Variants in PHACTR1 observed in about 807,000 individuals in gnomAD.
The protein encoded by PHACTR1 is RPEL repeat containing 1.
In PHACTR1, 16 loss-of-function variants were observed where a neutral mutation model predicts 69.2. The observed-to-expected ratio is 0.23, with a 90% CI of 0.16 to 0.35. The LOEUF (loss-of-function observed/expected upper bound fraction) is 0.35. Among genes scored for constraint, PHACTR1 ranks in the 10% least tolerant of loss-of-function variants. The probability of loss-of-function intolerance (pLI) is 1.00; values close to 1 mark genes in which losing one functional copy is unlikely to be tolerated. For synonymous variants in PHACTR1, 312 were observed against 284.5 expected (o/e 1.10, Z -0.97); for missense variants, 510 against 734.7 (o/e 0.69, Z 3.54).
chr6:12,906,498 A>C (rs1268233277), intron 4 of PHACTR1, among the ~76,000 whole-genome samples: 1 of 152,234 alleles, frequency 6.6e-6, no homozygotes, highest in Admixed American at 6.5e-5. Flanking sequence ...ACTAAAAAGC[A>C]CTATTCAATG....
Position 12,870,601 on chromosome 6 carries a change from T to C in PHACTR1, c.250+120811T>C, listed in dbSNP as rs575349628. ...ACATCTATAATTGCACATATACATATAATTGCACATCTATAATTGCACATA... is the reference window on the plus strand; with the variant it reads ...ACATCTATAATTGCACATATACATACAATTGCACATCTATAATTGCACATA... On this transcript the variant is annotated intron_variant, in intron 4 of 14. Transcript: ENST00000332995. Among the ~76,000 whole-genome samples the C allele has an allele frequency of 1.3e-4, 19 of 151,960 alleles. No homozygotes were observed. The South Asian group carries it at 3.9e-3, about 31-fold the overall frequency.
chr6:13,111,878 ATTTTTTT>A (rs1016706348), intron 5 of PHACTR1, among the ~76,000 whole-genome samples: 1 of 151,412 alleles, frequency 6.6e-6, no homozygotes, highest in Non-Finnish European at 1.5e-5. Context: ...AAGTGCCTTC[ATTTTTTT>A]TAACTGTTAA....
intron 4 of PHACTR1, among the ~76,000 whole-genome samples, chr6:12,959,044 G>A (rs1041053042): frequency 6.6e-6 from 1 of 151,944 alleles, no homozygotes; most frequent in Non-Finnish European, 1.5e-5. Flanking sequence ...GGGTGTGGTG[G>A]CACACACCTG....
chr6:12,755,616 A>T (rs1332852), intron 4 of PHACTR1, among the ~76,000 whole-genome samples: 10,196 of 152,074 alleles, frequency 0.067, 1,130 homozygotes, highest in African/African-American at 0.23. Context: ...AATATTAGTT[A>T]TATTTTTAAT....
chr6:13,106,707 A>C (rs1473794534), intron 5 of PHACTR1, among the ~76,000 whole-genome samples: 1 of 152,098 alleles, frequency 6.6e-6, no homozygotes, highest in African/African-American at 2.4e-5. Context: ...TGTTAAGTTA[A>C]GGAATTTTTT....
intron 4 of PHACTR1, among the ~76,000 whole-genome samples, chr6:12,910,048 C>T (rs1786208169): frequency 6.6e-6 from 1 of 152,226 alleles, no homozygotes; most frequent in African/African-American, 2.4e-5. Context: ...CTTAATCTCC[C>T]TTGGCTCAGC....
chr6:12,967,309 G>A lies in PHACTR1; in HGVS notation c.251-86056G>A, dbSNP rs543070574. On this transcript the variant is annotated intron_variant, in intron 4 of 14. Transcript: ENST00000332995. ...CATTCTTTCTGACCACATGGAAGGTGCTCTCTCCAGAGCTGTGGCACTCCA... is the reference window on the plus strand; with the variant it reads ...CATTCTTTCTGACCACATGGAAGGTACTCTCTCCAGAGCTGTGGCACTCCA... 3.3e-5 allele frequency among the ~76,000 whole-genome samples: 5 copies of A among 152,308 alleles called. No individual in the cohort carries two copies. In the East Asian group the frequency reaches 7.7e-4, roughly 24 times the overall value.
At chr6:12,878,056 T>G (rs967707652) in intron 4 of PHACTR1, among the ~76,000 whole-genome samples, 1 of 152,226 alleles carries the variant, frequency 6.6e-6, no homozygotes, top group African/African-American at 2.4e-5. Flanking sequence ...AGCTAAGTGT[T>G]CATTGCTCTT....
chr6:13,076,313 T>C (rs1810462794), intron 5 of PHACTR1, among the ~76,000 whole-genome samples: 1 of 152,188 alleles, frequency 6.6e-6, no homozygotes, highest in Non-Finnish European at 1.5e-5. Flanking sequence ...AATCCTTTAA[T>C]TGTCTTAATT....
At chr6:12,814,181 A>G (rs1775322399) in intron 4 of PHACTR1, among the ~76,000 whole-genome samples, 1 of 152,004 alleles carries the variant, frequency 6.6e-6, no homozygotes. Context: ...CCATGATCTG[A>G]CCTCCAGCCC....
intron 4 of PHACTR1, among the ~76,000 whole-genome samples, chr6:12,925,328 T>C (rs1003082083): frequency 6.6e-6 from 1 of 152,222 alleles, no homozygotes; most frequent in African/African-American, 2.4e-5. Context: ...GTTATGAATA[T>C]ATTGGTCATC....
intron 5 of PHACTR1, among the ~76,000 whole-genome samples, chr6:13,098,427 G>A (rs1814626860): frequency 6.6e-6 from 1 of 152,036 alleles, no homozygotes; most frequent in South Asian, 2.1e-4. Context: ...CCTTCGCTTT[G>A]GGACTCCCTC....
At chr6:12,795,496 A>C (rs1177651703) in intron 4 of PHACTR1, among the ~76,000 whole-genome samples, 1 of 152,190 alleles carries the variant, frequency 6.6e-6, no homozygotes, top group Non-Finnish European at 1.5e-5. Context: ...GAACATTTTG[A>C]TTCACCAATG....
chr6:12,926,594 C>T (rs1281770293), intron 4 of PHACTR1, among the ~76,000 whole-genome samples: 1 of 152,244 alleles, frequency 6.6e-6, no homozygotes, highest in Non-Finnish European at 1.5e-5. Flanking sequence ...CCTCCTGACT[C>T]ATATCCTTGT....
At chr6:13,019,326 A>T (rs924930878) in intron 4 of PHACTR1, among the ~76,000 whole-genome samples, 3 of 152,202 alleles carry the variant, frequency 2.0e-5, no homozygotes, top group Admixed American at 6.5e-5. Flanking sequence ...CTACTCTTGT[A>T]TTATGTTAAA....
intron 4 of PHACTR1, among the ~76,000 whole-genome samples, chr6:13,018,157 A>G (rs964368001): frequency 6.6e-6 from 1 of 152,350 alleles, no homozygotes; most frequent in African/African-American, 2.4e-5. Flanking sequence ...CCATTGAGAC[A>G]GCCTTTTAGG....
chr6:12,785,443 C>T (rs540206737), intron 4 of PHACTR1, among the ~76,000 whole-genome samples: 34 of 152,302 alleles, frequency 2.2e-4, no homozygotes, highest in Middle Eastern at 3.4e-3. Context: ...GACATAGTTA[C>T]GTCTTATGCC....
At chr6:12,939,707 A>T (rs934471398) in intron 4 of PHACTR1, among the ~76,000 whole-genome samples, 4 of 151,964 alleles carry the variant, frequency 2.6e-5, no homozygotes, top group Admixed American at 1.3e-4. Flanking sequence ...AGACCCCAGG[A>T]GCTAGGGGGG....
chr6:12,994,188 A>G (rs886404810), intron 4 of PHACTR1, among the ~76,000 whole-genome samples: 16 of 152,228 alleles, frequency 1.1e-4, no homozygotes, highest in African/African-American at 3.9e-4. Context: ...AATAAACTGG[A>G]AGATCAAAGA....
Sources: gnomAD v4.1 joint callset for allele counts (sites outside exome capture counted in the v4.1 genomes callset) on GRCh38, gnomAD v4.1.1 for gene constraint, MANE v1.5 for transcripts, NCBI Gene and HGNC (gene_info 2026-07-23, HGNC 2026-07-21) for gene names.